EYS: variants seen among roughly 807,000 people sequenced by gnomAD.
The protein encoded by EYS is protein eyes shut homolog.
EYS carries 250 observed loss-of-function variants against 282.1 expected under a neutral mutation model. That is an observed-to-expected ratio of 0.89 (90% CI 0.80 to 0.98). EYS has a LOEUF of 0.98. Ranked by LOEUF, EYS falls within the 50% of genes least tolerant of loss-of-function variation. The pLI is 0.00. For missense variants in EYS, 4,016 were observed against 3,709.0 expected (o/e 1.08, Z -2.15); for synonymous variants, 1,355 against 1,282.9 (o/e 1.06, Z -1.20).
chr6:65,023,257 T>A (rs1032193163), intron 13 of EYS, among the ~76,000 whole-genome samples: 4 of 152,166 alleles, frequency 2.6e-5, no homozygotes, highest in African/African-American at 9.7e-5. Context: ...CACTGTTAAA[T>A]CTTGGTTAGT....
At chr6:64,789,772 T>G (rs890614513) in intron 22 of EYS, among the ~76,000 whole-genome samples, 1 of 152,028 alleles carries the variant, frequency 6.6e-6, no homozygotes, top group African/African-American at 2.4e-5. Flanking sequence ...TTTTCCTGTA[T>G]CTAATTTTAA....
chr6:64,802,377 A>G (rs1583173435), intron 22 of EYS, among the ~76,000 whole-genome samples: 1 of 152,144 alleles, frequency 6.6e-6, no homozygotes, highest in East Asian at 1.9e-4. Flanking sequence ...TCTGAGTTTC[A>G]TAAACAGTAA....
intron 21 of EYS, among the ~76,000 whole-genome samples, chr6:64,816,704 C>T (rs1764749786): frequency 6.6e-6 from 1 of 151,978 alleles, no homozygotes; most frequent in Non-Finnish European, 1.5e-5. Context: ...GAAAATATTT[C>T]TAATAAACAC....
chr6:63,802,476 AC>A (rs983683535), intron 37 of EYS, among the ~76,000 whole-genome samples: 7 of 152,028 alleles, frequency 4.6e-5, no homozygotes, highest in South Asian at 2.1e-4. Context: ...AAAAAAAAAA[AC>A]AAATATTAGT....
At chr6:64,704,917 C>G (rs764355591) in intron 22 of EYS, among the ~76,000 whole-genome samples, 4 of 151,912 alleles carry the variant, frequency 2.6e-5, no homozygotes, top group South Asian at 4.1e-4. Flanking sequence ...AAAACTGGAA[C>G]AAGACAAGGA....
At chr6:65,584,762 A>C (rs758976460) in intron 2 of EYS, among the ~76,000 whole-genome samples, 42 of 151,758 alleles carry the variant, frequency 2.8e-4, no homozygotes, top group Non-Finnish European at 5.2e-4. Context: ...GATGATATAC[A>C]TATCTTTATA....
At chr6:64,666,599 A>G (rs548884841) in intron 22 of EYS, among the ~76,000 whole-genome samples, 28 of 152,326 alleles carry the variant, frequency 1.8e-4, no homozygotes, top group African/African-American at 6.7e-4. Context: ...TTTTCATTAA[A>G]TTATTGCTAA....
At chr6:64,102,403 G>A (rs1772860129) in intron 31 of EYS, among the ~76,000 whole-genome samples, 2 of 151,998 alleles carry the variant, frequency 1.3e-5, no homozygotes, top group African/African-American at 4.8e-5. Context: ...TTAAAATGAT[G>A]AATATTGACA....
At chr6:65,324,820 G>C (rs1016366377) in intron 11 of EYS, among the ~76,000 whole-genome samples, 2 of 152,208 alleles carry the variant, frequency 1.3e-5, no homozygotes, top group Non-Finnish European at 2.9e-5. Context: ...CTTTGGTCAT[G>C]AGAGTCAGGT....
chr6:63,784,186 T>C (rs572558577), intron 39 of EYS, among the ~76,000 whole-genome samples: 1 of 152,200 alleles, frequency 6.6e-6, no homozygotes, highest in South Asian at 2.1e-4. Flanking sequence ...TCAATTATCC[T>C]GGGTCTCCAG....
intron 31 of EYS, among the ~76,000 whole-genome samples, chr6:64,112,256 A>G (rs3003670): frequency 0.086 from 13,030 of 152,076 alleles, 1,496 homozygotes; most frequent in African/African-American, 0.26. Context: ...TGATAGAATC[A>G]CAAAATTTTA....
chr6:64,038,919 C>T lies in EYS; in HGVS notation c.6725+27419G>A, dbSNP rs113648740. On this transcript the variant is annotated intron_variant, in intron 33 of 42. Transcript: ENST00000503581. ...TCCTAGGTTCAAGAGATTCTTCAGC[C>T]TCACTCTCCTGAGTAGCTAGAACCA... is the stretch of plus-strand genomic sequence containing the variant. Among the ~76,000 whole-genome samples, 702 of 152,188 alleles carry T rather than the reference C, an allele frequency of 4.6e-3. 4 individuals are homozygous for T. The highest frequency in any genetic ancestry group is 0.016 in the African/African-American group (652 of 41,528).
intron 28 of EYS, among the ~76,000 whole-genome samples, chr6:64,414,665 T>C (rs371959975): frequency 6.6e-5 from 10 of 152,230 alleles, no homozygotes; most frequent in African/African-American, 2.4e-4. Context: ...GGTGAGGTTA[T>C]AAGAAAAGGA....
At chr6:63,771,483 G>T (rs374829907) in intron 40 of EYS, among the ~76,000 whole-genome samples, 3 of 152,252 alleles carry the variant, frequency 2.0e-5, no homozygotes, top group South Asian at 2.1e-4. Flanking sequence ...AAATGGCTTT[G>T]TTAATTTGAT....
chr6:64,560,643 G>C (rs754008082), intron 26 of EYS, among the ~76,000 whole-genome samples: 1 of 151,894 alleles, frequency 6.6e-6, no homozygotes. Flanking sequence ...GGTACACAGT[G>C]TCCTACATAA....
chr6:65,556,208 C>T (rs553289319), intron 2 of EYS, among the ~76,000 whole-genome samples: 1 of 152,286 alleles, frequency 6.6e-6, no homozygotes, highest in Admixed American at 6.5e-5. Flanking sequence ...CAGTGGCACA[C>T]ACCTGTAGTC....
intron 2 of EYS, among the ~76,000 whole-genome samples, chr6:65,533,117 A>G (rs979423394): frequency 6.6e-6 from 1 of 152,106 alleles, no homozygotes; most frequent in African/African-American, 2.4e-5. Flanking sequence ...TTATTGCCAT[A>G]TTAAATAGAA....
At chr6:64,098,092 A>G (rs572951247) in intron 31 of EYS, among the ~76,000 whole-genome samples, 32 of 152,348 alleles carry the variant, frequency 2.1e-4, no homozygotes, top group Non-Finnish European at 4.0e-4. Flanking sequence ...CATTTTGTAC[A>G]ACACATTGGA....
intron 29 of EYS, among the ~76,000 whole-genome samples, chr6:64,319,016 T>A (rs1450485644): frequency 6.6e-6 from 1 of 151,970 alleles, no homozygotes; most frequent in Non-Finnish European, 1.5e-5. Flanking sequence ...ATTCATTGTA[T>A]CTAATTATAT....
Sources: allele counts gnomAD v4.1 joint callset (sites outside exome capture counted in the v4.1 genomes callset), GRCh38; gene constraint gnomAD v4.1.1; transcripts MANE v1.5; gene names NCBI Gene and HGNC (gene_info 2026-07-23, HGNC 2026-07-21).